The following ADAMTS16 variants were observed in gnomAD, a reference collection of about 807,000 sequenced individuals.
ADAMTS16 encodes the protein A disintegrin and metalloproteinase with thrombospondin motifs 16.
ADAMTS16 carries 94 observed loss-of-function variants against 145.8 expected under a neutral mutation model. That is an observed-to-expected ratio of 0.64 (90% CI 0.55 to 0.77). The LOEUF is 0.77. Among genes scored for constraint, ADAMTS16 ranks in the 30% least tolerant of loss-of-function variants. The pLI, the probability that ADAMTS16 is intolerant of heterozygous loss-of-function variation, is 0.00. For synonymous variants in ADAMTS16, 659 were observed against 604.3 expected, an observed-to-expected ratio of 1.09 and a Z score of -1.33; for missense variants, 1,585 against 1,591.5, an observed-to-expected ratio of 1.00 and a Z score of 0.07.
At chr5:5,220,753 A>G (rs1736581776) in intron 10 of ADAMTS16, among the ~76,000 whole-genome samples, 2 of 152,060 alleles carry the variant, frequency 1.3e-5, no homozygotes, top group Admixed American at 1.3e-4. Flanking sequence ...CCTCATGTGC[A>G]CAGTGAGGAC....
At chr5:5,247,490 C>T (rs1384480413) in intron 17 of ADAMTS16, among the ~76,000 whole-genome samples, 1 of 152,084 alleles carries the variant, frequency 6.6e-6, no homozygotes, top group Non-Finnish European at 1.5e-5. Flanking sequence ...ATCAAGTGTG[C>T]TCAGAGGTCC....
Position 5,146,231 on chromosome 5 carries a change from G to C in ADAMTS16, c.277G>C (p.Glu93Gln). 1.9e-6 allele frequency: 3 copies of C among 1,614,140 alleles called. No individual in the cohort carries two copies. The highest frequency in any genetic ancestry group is 2.5e-6 in the Non-Finnish European group (3 of 1,180,030). ...GCGGAGAAGAGCAGTGCCCGTGTCC[G>C]AGGTTGAGTCTCTTCACCTTCGGCT... ...QRRRRAVPVS[E>Q]VESLHLRLKG... The change falls in exon 3 of 23, where the codon GAG (glutamate) becomes CAG (glutamine). Residue 93 changes from glutamate (E) to glutamine (Q), a missense_variant. Coordinates refer to ENST00000274181, the MANE Select transcript of ADAMTS16 (RefSeq NM_139056.4).
At chr5:5,279,723 C>T (rs1738826813) in intron 18 of ADAMTS16, among the ~76,000 whole-genome samples, 1 of 148,822 alleles carries the variant, frequency 6.7e-6, no homozygotes, top group South Asian at 2.2e-4. Flanking sequence ...TTTTGTTTTG[C>T]TTTTGTTTGT....
chr5:5,319,950 G>C lies in ADAMTS16; in HGVS notation c.*812G>C, dbSNP rs16875320. On this transcript the variant is annotated 3_prime_UTR_variant, in exon 23 of 23. Transcript: ENST00000274181. ...TGCTTTTCTTTGTAAATGACAGATC[G>C]AAGTATAGGTTACATCAAAACCCTA... is the stretch of plus-strand genomic sequence containing the variant. 1,453 of 454,512 alleles carry C rather than the reference G, an allele frequency of 3.2e-3. 34 individuals carry two copies. The highest frequency in any genetic ancestry group is 0.022 in the South Asian group (1,407 of 64,400). The allele number at this position is 454,512 out of a possible 1,614,324, so 28.2% of individuals were successfully genotyped here. A position where few individuals can be genotyped will look rare whatever the true frequency, so the allele number is the denominator to read the frequency against.
At chr5:5,261,649 C>G (rs1263484309) in intron 17 of ADAMTS16, among the ~76,000 whole-genome samples, 1 of 152,104 alleles carries the variant, frequency 6.6e-6, no homozygotes, top group Admixed American at 6.5e-5. Context: ...CCACGCCCAG[C>G]TAATTTTTGT....
Position 5,306,671 on chromosome 5 carries a change from C to T in ADAMTS16, c.3354C>T (p.Pro1118=), listed in dbSNP as rs1482486244. The change falls in exon 21 of 23, where the codon CCC becomes CCT. Residue 1118 remains proline (P), a synonymous_variant. Coordinates refer to ENST00000274181, the MANE Select transcript of ADAMTS16 (RefSeq NM_139056.4). ...ACAPLPCPRH[P]PFAAAGPSRG... is the part of the protein sequence containing the mutation. ...CCCCGCTTCCATGCCCCAGGCACCC[C>T]CCATTTGCTGCTGCGGGACCCTCGA... 1 of 1,613,928 alleles carries T rather than the reference C, an allele frequency of 6.2e-7. No homozygotes were observed. The highest frequency in any genetic ancestry group is 1.7e-5 in the Admixed American group (1 of 60,002).
intron 21 of ADAMTS16, among the ~76,000 whole-genome samples, chr5:5,307,797 C>T (rs994601632): frequency 1.3e-5 from 2 of 152,160 alleles, no homozygotes; most frequent in East Asian, 1.9e-4. Context: ...CTCACCTGCT[C>T]GATGGGGTCC....
At chr5:5,167,421 A>T (rs1734912519) in intron 3 of ADAMTS16, among the ~76,000 whole-genome samples, 1 of 152,186 alleles carries the variant, frequency 6.6e-6, no homozygotes, top group African/African-American at 2.4e-5. Flanking sequence ...ACTGATGATC[A>T]TTTGCTTCAA....
chr5:5,179,404 A>G (rs141687639), intron 3 of ADAMTS16, among the ~76,000 whole-genome samples: 395 of 152,204 alleles, frequency 2.6e-3, no homozygotes, highest in African/African-American at 9.1e-3. Flanking sequence ...GGTTTAAGCC[A>G]TGCATGAATT....
At chr5:5,303,160 C>A in intron 18 of ADAMTS16, 108 bp from the exon 19 acceptor site, 1 of 1,214,414 alleles carries the variant, frequency 8.2e-7, no homozygotes, top group Non-Finnish European at 1.1e-6. Context: ...ACGGCACACA[C>A]ACGACCGTGG....
chr5:5,162,948 T>C (rs1297606562), intron 3 of ADAMTS16, among the ~76,000 whole-genome samples: 2 of 152,188 alleles, frequency 1.3e-5, no homozygotes, highest in African/African-American at 4.8e-5. Flanking sequence ...TCTGCATTTA[T>C]TGTGGACATA....
At chr5:5,151,506 G>A (rs1034076429) in intron 3 of ADAMTS16, among the ~76,000 whole-genome samples, 1 of 151,932 alleles carries the variant, frequency 6.6e-6, no homozygotes, top group Non-Finnish European at 1.5e-5. Flanking sequence ...CCAAAGTGCT[G>A]GAACCACAGG....
chr5:5,190,056 C>G lies in ADAMTS16; in HGVS notation c.1133C>G (p.Thr378Ser), dbSNP rs1470040321. 1 of 1,613,402 alleles carries G rather than the reference C, an allele frequency of 6.2e-7. No individual in the cohort carries two copies. The highest frequency in any genetic ancestry group is 1.7e-5 in the Admixed American group (1 of 59,916). The change falls in exon 7 of 23, where the codon ACT becomes AGT. Residue 378 changes from threonine (T) to serine (S), a missense_variant. Thr to Ser is a moderately conservative substitution (Grantham distance 58, BLOSUM62 1). Around this residue, in one of 3 missense-constraint regions of ADAMTS16, gnomAD observed 298 missense variants for 367.6 expected, o/e 0.81. Transcript: ENST00000274181. ...TCTGGATTGATGGGGAAAGATGGGA[C>G]TCGTCATGACCACGCCATCTTACTG... Reference protein sequence around the residue: ...WQSGLMGKDGTRHDHAILLTG... With the variant: ...WQSGLMGKDGSRHDHAILLTG...
chr5:5,274,096 T>C (rs1738590163), intron 18 of ADAMTS16, among the ~76,000 whole-genome samples: 1 of 152,196 alleles, frequency 6.6e-6, no homozygotes, highest in Non-Finnish European at 1.5e-5. Context: ...AAGCAGAAAG[T>C]AGAACATTCC....
At chr5:5,187,672 T>C in intron 5 of ADAMTS16, 53 bp from the exon 6 acceptor site, 1 of 1,245,922 alleles carries the variant, frequency 8.0e-7, no homozygotes, top group Non-Finnish European at 1.2e-6. Flanking sequence ...CGCTAGTAAG[T>C]AGGGGGGAAA....
intron 17 of ADAMTS16, among the ~76,000 whole-genome samples, chr5:5,250,773 T>C (rs1737601126): frequency 6.6e-6 from 1 of 151,136 alleles, no homozygotes; most frequent in African/African-American, 2.4e-5. Context: ...ATGTGTGTTT[T>C]AAAGGGGCTT....
chr5:5,182,352 A>G (rs1317758032), intron 4 of ADAMTS16, 47 bp downstream of exon 4: 1 of 1,569,646 alleles, frequency 6.4e-7, no homozygotes, highest in Admixed American at 1.8e-5. Context: ...GCTGACATTT[A>G]TGTAAGCTGA....
chr5:5,237,483 C>T (rs757292580), intron 14 of ADAMTS16, among the ~76,000 whole-genome samples: 24 of 152,160 alleles, frequency 1.6e-4, no homozygotes, highest in Non-Finnish European at 2.5e-4. Flanking sequence ...GTCATCAGAA[C>T]GCCCAGAGGG....
intron 17 of ADAMTS16, among the ~76,000 whole-genome samples, chr5:5,250,389 C>A (rs1003646067): frequency 6.6e-6 from 1 of 152,136 alleles, no homozygotes; most frequent in African/African-American, 2.4e-5. Context: ...ATGTCCCTGG[C>A]CAGCCTATGA....
Sources: gnomAD v4.1 joint callset for allele counts (sites outside exome capture counted in the v4.1 genomes callset) on GRCh38, gnomAD v4.1.1 for gene constraint, gnomAD v4.1.1 regional missense constraint, MANE v1.5 for transcripts, NCBI Gene and HGNC (gene_info 2026-07-23, HGNC 2026-07-21) for gene names.